CDH23: variants seen among roughly 807,000 people sequenced by gnomAD.
The protein encoded by CDH23 is cadherin-23.
CDH23 carries 189 observed loss-of-function variants against 317.1 expected under a neutral mutation model. That is an observed-to-expected ratio of 0.60 (90% confidence interval 0.53 to 0.67). The LOEUF is 0.67. CDH23 is among the 30% of genes least tolerant of loss of function. CDH23 has a pLI of 0.00. For missense variants in CDH23, 4,401 were observed against 4,592.4 expected (o/e 0.96, Z 1.20); for synonymous variants, 1,839 against 1,876.8 (o/e 0.98, Z 0.52).
chr10:71,615,209 G>C (rs1253604549), intron 9 of CDH23, among the ~76,000 whole-genome samples: 1 of 152,166 alleles, frequency 6.6e-6, no homozygotes. Context: ...GTCTAGAGAA[G>C]TGTTAAAGCA....
At chr10:71,552,396 G>A (rs968559371) in intron 6 of CDH23, among the ~76,000 whole-genome samples, 8 of 152,308 alleles carry the variant, frequency 5.3e-5, no homozygotes, top group Non-Finnish European at 8.8e-5. Flanking sequence ...TTCACTGGTC[G>A]CCCACATGCA....
At chr10:71,678,410 A>C (rs1240177895) in intron 16 of CDH23, among the ~76,000 whole-genome samples, 2 of 152,182 alleles carry the variant, frequency 1.3e-5, no homozygotes, top group Non-Finnish European at 2.9e-5. Flanking sequence ...TCCTGCAGCA[A>C]GTCCCCCACT....
At chr10:71,746,408 C>G (rs1839854211) in intron 38 of CDH23, among the ~76,000 whole-genome samples, 1 of 152,234 alleles carries the variant, frequency 6.6e-6, no homozygotes, top group Admixed American at 6.5e-5. Flanking sequence ...CCACCCCCAT[C>G]CGGCCTCAGC....
At chr10:71,603,550 A>G (rs963274330) in intron 9 of CDH23, among the ~76,000 whole-genome samples, 2 of 152,194 alleles carry the variant, frequency 1.3e-5, no homozygotes, top group Admixed American at 6.5e-5. Flanking sequence ...GTTGAAGGGA[A>G]GCATGGGTGT....
chr10:71,496,408 G>C (rs1295926881), intron 3 of CDH23, among the ~76,000 whole-genome samples: 7 of 152,072 alleles, frequency 4.6e-5, no homozygotes, highest in Non-Finnish European at 8.8e-5. Flanking sequence ...TTGTAGCTGG[G>C]TTCCACATGG....
chr10:71,555,820 G>A (rs1856845847), intron 6 of CDH23, among the ~76,000 whole-genome samples: 1 of 152,196 alleles, frequency 6.6e-6, no homozygotes. Context: ...AAGGGAGGGA[G>A]GCCCCAGATG....
intron 1 of CDH23, among the ~76,000 whole-genome samples, chr10:71,406,050 CTGTCG>C (rs1848083648): frequency 1.3e-5 from 2 of 149,388 alleles, no homozygotes; most frequent in African/African-American, 5.0e-5. Context: ...AGGTCTTTCT[CTGTCG>C]CCCAGGCTAG....
intron 41 of CDH23, among the ~76,000 whole-genome samples, chr10:71,782,115 G>A (rs1416918125): frequency 6.6e-6 from 1 of 152,250 alleles, no homozygotes; most frequent in Non-Finnish European, 1.5e-5. Flanking sequence ...ACAGATGCCA[G>A]ATTTCTGAGC....
intron 8 of CDH23, among the ~76,000 whole-genome samples, chr10:71,575,716 G>A (rs574889541): frequency 4.2e-4 from 64 of 152,332 alleles, no homozygotes; most frequent in Middle Eastern, 6.8e-3. Flanking sequence ...AGCAGGGTCG[G>A]CTCCGGGCCG....
At chr10:71,525,118 G>A (rs1165931883) in intron 6 of CDH23, among the ~76,000 whole-genome samples, 1 of 152,066 alleles carries the variant, frequency 6.6e-6, no homozygotes, top group East Asian at 1.9e-4. Flanking sequence ...ATTTGGCCAG[G>A]CTGGCCTTGA....
intron 6 of CDH23, among the ~76,000 whole-genome samples, chr10:71,539,129 C>T (rs376309188): frequency 6.6e-6 from 1 of 152,214 alleles, no homozygotes; most frequent in African/African-American, 2.4e-5. Flanking sequence ...TCTCTCCCCA[C>T]TGGTGGGACA....
At chr10:71,582,716 A>G (rs1858726204) in intron 9 of CDH23, among the ~76,000 whole-genome samples, 1 of 152,170 alleles carries the variant, frequency 6.6e-6, no homozygotes, top group African/African-American at 2.4e-5. Flanking sequence ...CTCGTAGCTA[A>G]GGCACTGAGC....
chr10:71,754,953 T>G, intron 38 of CDH23: 1 of 402,748 alleles, frequency 2.5e-6, no homozygotes, highest in Non-Finnish European at 5.1e-6. Flanking sequence ...CCACTTCTGA[T>G]ATTCCAAAGA....
At chr10:71,548,028 G>T (rs1207413787) in intron 6 of CDH23, among the ~76,000 whole-genome samples, 1 of 151,954 alleles carries the variant, frequency 6.6e-6, no homozygotes, top group Admixed American at 6.5e-5. Flanking sequence ...CCTGGAGCCT[G>T]TCAGCTGCGT....
At chr10:71,502,563 A>G (rs912643013) in intron 3 of CDH23, among the ~76,000 whole-genome samples, 2 of 152,334 alleles carry the variant, frequency 1.3e-5, no homozygotes, top group Middle Eastern at 3.4e-3. Flanking sequence ...CCTGCTGTGC[A>G]GAGGTGCAAA....
chr10:71,674,404 T>A (rs1037282063), intron 14 of CDH23, among the ~76,000 whole-genome samples: 3 of 152,218 alleles, frequency 2.0e-5, no homozygotes, highest in Non-Finnish European at 2.9e-5. Flanking sequence ...CTTATAGAGA[T>A]ACCTTAAATA....
chr10:71,739,890 T>C (rs1178968657), intron 36 of CDH23, 118 bp downstream of exon 36: 2 of 1,195,494 alleles, frequency 1.7e-6, no homozygotes, highest in Non-Finnish European at 2.3e-6. Context: ...GTGCCCCTGC[T>C]GTCACCAAGT....
chr10:71,812,311 A>G, intron 66 of CDH23, 169 bp from the exon 67 acceptor site: 1 of 1,598,804 alleles, frequency 6.3e-7, no homozygotes, highest in Non-Finnish European at 8.5e-7. Flanking sequence ...TGGTTCCAGC[A>G]GGATCCTATG....
intron 2 of CDH23, 139 bp from the exon 3 acceptor site, chr10:71,446,179 C>T: frequency 2.5e-6 from 2 of 793,558 alleles, no homozygotes; most frequent in Non-Finnish European, 4.3e-6. Context: ...AGGATAGTGA[C>T]TTCCAGGGTC....
Sources: allele counts gnomAD v4.1 joint callset (sites outside exome capture counted in the v4.1 genomes callset), GRCh38; gene constraint gnomAD v4.1.1; transcripts MANE v1.5; gene names NCBI Gene and HGNC (gene_info 2026-07-23, HGNC 2026-07-21).